The following PAIP2 variants were observed in gnomAD, a reference collection of about 807,000 sequenced individuals.
PAIP2 encodes the protein polyadenylate-binding protein-interacting protein 2.
A neutral mutation model predicts 14.8 loss-of-function variants in PAIP2; 7 were observed. The observed-to-expected ratio is 0.47, with a 90% CI of 0.27 to 0.89. The LOEUF is 0.89. Ranked by LOEUF, PAIP2 falls within the 40% of genes least tolerant of loss-of-function variation. The probability of loss-of-function intolerance (pLI) is 0.13; values close to 1 mark genes in which losing one functional copy is unlikely to be tolerated. For missense variants in PAIP2, 122 were observed against 154.7 expected (o/e 0.79, Z 1.12); for synonymous variants, 47 against 45.3 (o/e 1.04, Z -0.15).
rs1561969187 is a variant in PAIP2 at position 139,369,691 on chromosome 5, TA to T, written c.*900del. The T allele has an allele frequency of 6.6e-6, 1 of 152,582 alleles. No individual in the cohort carries two copies. The highest frequency in any genetic ancestry group is 2.4e-5 in the African/African-American group (1 of 41,426). The allele number at this position is 152,582 out of a possible 1,614,324, so 9.5% of individuals were successfully genotyped here. ...AAAATTATATTTTTTCAAAAATATTTAAAAAAATAAATAATAGTAGAACTGA... is the reference window on the plus strand; with the variant it reads ...AAAATTATATTTTTTCAAAAATATTTAAAAAATAAATAATAGTAGAACTGA... On this transcript the variant is annotated 3_prime_UTR_variant, in exon 4 of 4. Transcript: ENST00000265192.
chr5:139,352,502 G>GTTTTTTTT (rs536704901), intron 1 of PAIP2, among the ~76,000 whole-genome samples: 1 of 76,154 alleles, frequency 1.3e-5, no homozygotes. Flanking sequence ...TTTTTTTGTT[G>GTTTTTTTT]TTTTTTTTTT....
At chr5:139,356,654 C>T (rs570390005) in intron 1 of PAIP2, among the ~76,000 whole-genome samples, 4 of 151,820 alleles carry the variant, frequency 2.6e-5, no homozygotes, top group South Asian at 2.1e-4. Flanking sequence ...GAGTCCAAGG[C>T]GAGTGGATTA....
At chr5:139,350,566 G>A (rs1756696873) in intron 1 of PAIP2, among the ~76,000 whole-genome samples, 1 of 151,920 alleles carries the variant, frequency 6.6e-6, no homozygotes, top group South Asian at 2.1e-4. Context: ...AGGAGGTGGA[G>A]GTTGCAGTGA....
chr5:139,364,790 A>C (rs192973930), intron 3 of PAIP2, 47 bp downstream of exon 3: 5 of 1,276,528 alleles, frequency 3.9e-6, no homozygotes, highest in Non-Finnish European at 5.6e-6. Context: ...CATCTTTTGC[A>C]TAAGTGGAAA....
intron 1 of PAIP2, among the ~76,000 whole-genome samples, chr5:139,353,566 CTA>C (rs1756815787): frequency 6.6e-6 from 1 of 152,086 alleles, no homozygotes; most frequent in African/African-American, 2.4e-5. Flanking sequence ...ATCCAAAAGA[CTA>C]TATAGCTTCC....
chr5:139,349,045 T>C (rs1003291398), intron 1 of PAIP2, among the ~76,000 whole-genome samples: 4 of 152,326 alleles, frequency 2.6e-5, no homozygotes, highest in African/African-American at 9.6e-5. Flanking sequence ...TCAAAAATTA[T>C]TTTAAAACAT....
intron 1 of PAIP2, among the ~76,000 whole-genome samples, chr5:139,351,699 T>G (rs1756739740): frequency 6.6e-6 from 1 of 152,170 alleles, no homozygotes; most frequent in South Asian, 2.1e-4. Flanking sequence ...ACTCTTTTTT[T>G]GAGAGATGGG....
chr5:139,345,298 C>T (rs1756505186), intron 1 of PAIP2, among the ~76,000 whole-genome samples: 1 of 152,026 alleles, frequency 6.6e-6, no homozygotes, highest in Non-Finnish European at 1.5e-5. Flanking sequence ...CTTGGCCTCC[C>T]AAAGTGCTGG....
intron 3 of PAIP2, among the ~76,000 whole-genome samples, chr5:139,365,341 C>G (rs1223334117): frequency 6.6e-6 from 1 of 151,402 alleles, no homozygotes; most frequent in Non-Finnish European, 1.5e-5. Context: ...CAAAAATTAG[C>G]TGGGTGTGGT....
chr5:139,347,405 C>A (rs1271834494), intron 1 of PAIP2, among the ~76,000 whole-genome samples: 1 of 151,568 alleles, frequency 6.6e-6, no homozygotes, highest in African/African-American at 2.4e-5. Flanking sequence ...TCCTGAGTAG[C>A]TGACACTACA....
intron 1 of PAIP2, among the ~76,000 whole-genome samples, chr5:139,346,510 A>G (rs1405497618): frequency 6.7e-6 from 1 of 149,718 alleles, no homozygotes; most frequent in Non-Finnish European, 1.5e-5. Flanking sequence ...TGTTGGGATT[A>G]CAGGCGTGAG....
chr5:139,353,534 A>C (rs34660301), intron 1 of PAIP2, among the ~76,000 whole-genome samples: 4,059 of 152,190 alleles, frequency 0.027, 78 homozygotes, highest in South Asian at 0.039. Flanking sequence ...GTTTGAGTTA[A>C]TATCAGCTTA....
chr5:139,364,523 C>A, intron 2 of PAIP2, 41 bp from the exon 3 acceptor site: 1 of 1,226,234 alleles, frequency 8.2e-7, no homozygotes, highest in Non-Finnish European at 1.2e-6. Context: ...CTAGTGATAT[C>A]TACCAAGTGT....
At chr5:139,364,046 T>C in intron 2 of PAIP2, 124 bp downstream of exon 2, 1 of 787,766 alleles carries the variant, frequency 1.3e-6, no homozygotes, top group Admixed American at 2.6e-5. Flanking sequence ...GTGCCACCAC[T>C]CCTGTTTATT....
At chr5:139,365,873 A>G (rs575427301) in intron 3 of PAIP2, among the ~76,000 whole-genome samples, 2 of 152,308 alleles carry the variant, frequency 1.3e-5, no homozygotes, top group South Asian at 4.1e-4. Context: ...TTACTTGCCT[A>G]TACAGAAGTA....
chr5:139,352,521 G>A (rs1756777259), intron 1 of PAIP2, among the ~76,000 whole-genome samples: 1 of 33,974 alleles, frequency 2.9e-5, no homozygotes. Context: ...TTTTGAGATG[G>A]AGTTTCGTCC....
chr5:139,354,876 A>G (rs1344427155), intron 1 of PAIP2, among the ~76,000 whole-genome samples: 1 of 146,484 alleles, frequency 6.8e-6, no homozygotes, highest in African/African-American at 2.6e-5. Context: ...GCTGGAGTGC[A>G]GTGGCGTGGT....
At position 139,352,488 on chromosome 5, in the gene PAIP2, G is replaced by GT. The variant is rs1185620394; in HGVS notation, c.-27+10518dup. Among the ~76,000 whole-genome samples the GT allele has an allele frequency of 8.7e-3, 823 of 94,582 alleles. 14 individuals carry two copies. Among genetic ancestry groups the GT allele is most frequent in the African/African-American group, 0.019 (599 of 31,446 alleles). 62.0% of individuals were successfully genotyped at this position (94,582 alleles called of 152,430 possible). Reference sequence around the variant, plus strand: ...TGGCTTTCTCAGTTAATTCCTGCCAGTTTTTTTTTTGTTGTTTTTTTTTTT... The same window carrying GT: ...TGGCTTTCTCAGTTAATTCCTGCCAGTTTTTTTTTTTGTTGTTTTTTTTTTT... On this transcript the variant is annotated intron_variant, in intron 1 of 3. Transcript: ENST00000265192.
At chr5:139,347,199 G>A (rs1250157477) in intron 1 of PAIP2, among the ~76,000 whole-genome samples, 1 of 148,778 alleles carries the variant, frequency 6.7e-6, no homozygotes, top group Non-Finnish European at 1.5e-5. Context: ...AGGAAGCACA[G>A]ACATCTCAGA....
Sources: allele counts gnomAD v4.1 joint callset (sites outside exome capture counted in the v4.1 genomes callset), GRCh38; gene constraint gnomAD v4.1.1; transcripts MANE v1.5; gene names NCBI Gene and HGNC (gene_info 2026-07-23, HGNC 2026-07-21).